The following SOX5 variants were observed in gnomAD, a reference collection of about 807,000 sequenced individuals.
SOX5 encodes SRY-box transcription factor 5, also known as transcription factor SOX-5.
SOX5 carries 9 observed loss-of-function variants against 92.0 expected under a neutral mutation model. The ratio of observed to expected loss-of-function variants is 0.10; its 90% CI spans 0.06 to 0.17. The LOEUF is 0.17. Among genes scored for constraint, SOX5 ranks in the 10% least tolerant of loss-of-function variants. The pLI, the probability that SOX5 is intolerant of heterozygous loss-of-function variation, is 1.00. For synonymous variants in SOX5, 344 were observed against 336.3 expected (o/e 1.02, Z -0.25); for missense variants, 642 against 944.5 (o/e 0.68, Z 4.20).
chr12:23,564,930 G>A (rs1014070411), intron 10 of SOX5, among the ~76,000 whole-genome samples: 1 of 152,206 alleles, frequency 6.6e-6, no homozygotes, highest in Non-Finnish European at 1.5e-5. Flanking sequence ...TAGTACTTCA[G>A]TGCTGGCAGG....
intron 4 of SOX5, among the ~76,000 whole-genome samples, chr12:24,203,106 C>A (rs921729011): frequency 6.6e-6 from 1 of 152,162 alleles, no homozygotes; most frequent in Non-Finnish European, 1.5e-5. Context: ...AAAGAGCTTT[C>A]TTTTCTCCCT....
chr12:24,046,253 G>T (rs971723439), intron 4 of SOX5, among the ~76,000 whole-genome samples: 1 of 139,226 alleles, frequency 7.2e-6, no homozygotes, highest in Non-Finnish European at 1.6e-5. Context: ...TTTCTAAAAG[G>T]TAGTGATGTA....
At chr12:24,230,753 G>A (rs1389201054) in intron 3 of SOX5, 1 of 152,178 alleles carries the variant, frequency 6.6e-6, no homozygotes, top group East Asian at 1.9e-4. Context: ...TTAGATCACT[G>A]TAAAATGCAA....
At chr12:24,419,529 A>G (rs1198661965) in intron 1 of SOX5, among the ~76,000 whole-genome samples, 1 of 152,116 alleles carries the variant, frequency 6.6e-6, no homozygotes. Context: ...TGAACAGCAA[A>G]TGTTACAGAC....
At chr12:23,945,449 A>G (rs984035967) in intron 1 of SOX5, among the ~76,000 whole-genome samples, 1 of 152,094 alleles carries the variant, frequency 6.6e-6, no homozygotes, top group African/African-American at 2.4e-5. Flanking sequence ...TTAACCCTTA[A>G]TTGTTCCTGG....
At position 23,768,903 on chromosome 12, in the gene SOX5, T is replaced by C. The variant is rs1002316880; in HGVS notation, c.482-13179A>G. 3.3e-5 allele frequency among the ~76,000 whole-genome samples: 5 copies of C among 152,188 alleles called. No individual in the cohort carries two copies. The South Asian group carries it at 8.3e-4, about 25-fold the overall frequency. On this transcript the variant is annotated intron_variant, in intron 3 of 14. Transcript: ENST00000451604. ...CTAAAGAAAGAAACAAAAACGCTATTGTTCCCTGGTAGCTACCAAAGAACA... is the reference window on the plus strand; with the variant it reads ...CTAAAGAAAGAAACAAAAACGCTATCGTTCCCTGGTAGCTACCAAAGAACA...
chr12:24,386,511 A>T (rs1266012850), intron 1 of SOX5, among the ~76,000 whole-genome samples: 1 of 152,192 alleles, frequency 6.6e-6, no homozygotes, highest in East Asian at 1.9e-4. Flanking sequence ...ATAAATAGAA[A>T]AACTGCTTTC....
At chr12:23,602,986 T>A (rs2074704425) in intron 9 of SOX5, among the ~76,000 whole-genome samples, 1 of 152,130 alleles carries the variant, frequency 6.6e-6, no homozygotes, top group Non-Finnish European at 1.5e-5. Context: ...GGCATATGTA[T>A]ACTCCTACTG....
intron 6 of SOX5, among the ~76,000 whole-genome samples, chr12:23,702,925 A>G (rs1028008958): frequency 7.9e-5 from 12 of 152,030 alleles, no homozygotes; most frequent in Non-Finnish European, 1.8e-4. Flanking sequence ...AGAAACCAAA[A>G]CCTTCTTATT....
At chr12:24,446,462 A>G (rs1482919300) in intron 1 of SOX5, among the ~76,000 whole-genome samples, 1 of 152,210 alleles carries the variant, frequency 6.6e-6, no homozygotes, top group African/African-American at 2.4e-5. Flanking sequence ...AGGAACAGAA[A>G]AAATCAGCAT....
intron 4 of SOX5, among the ~76,000 whole-genome samples, chr12:24,070,130 A>G (rs1382013559): frequency 6.6e-6 from 1 of 152,170 alleles, no homozygotes; most frequent in Non-Finnish European, 1.5e-5. Context: ...CAGCAGTGCA[A>G]GCAGAAACTT....
At chr12:24,130,279 C>T (rs768125208) in intron 4 of SOX5, among the ~76,000 whole-genome samples, 4 of 152,148 alleles carry the variant, frequency 2.6e-5, no homozygotes, top group Admixed American at 6.5e-5. Context: ...AAGAAAGCGA[C>T]GCATCTGGGG....
At chr12:23,681,396 A>G (rs956198186) in intron 6 of SOX5, among the ~76,000 whole-genome samples, 1 of 151,970 alleles carries the variant, frequency 6.6e-6, no homozygotes. Context: ...TAAATGACAG[A>G]CCTAAGTTTA....
intron 4 of SOX5, among the ~76,000 whole-genome samples, chr12:23,968,615 C>T (rs1248639319): frequency 2.6e-5 from 4 of 152,238 alleles, no homozygotes; most frequent in Non-Finnish European, 5.9e-5. Flanking sequence ...GCCCCTCAAT[C>T]TTGGCCTTCT....
chr12:23,727,257 C>G (rs1179545728), intron 6 of SOX5, among the ~76,000 whole-genome samples: 2 of 152,008 alleles, frequency 1.3e-5, no homozygotes, highest in African/African-American at 4.8e-5. Flanking sequence ...CAAATAGCGT[C>G]TCAATAAAAA....
chr12:23,907,372 C>A (rs1319059534), intron 1 of SOX5, among the ~76,000 whole-genome samples: 3 of 151,954 alleles, frequency 2.0e-5, no homozygotes, highest in Admixed American at 6.6e-5. Context: ...GACCACACCA[C>A]CTTAATTTAA....
chr12:23,873,412 G>T (rs1002183974), intron 2 of SOX5, among the ~76,000 whole-genome samples: 1 of 152,194 alleles, frequency 6.6e-6, no homozygotes, highest in African/African-American at 2.4e-5. Flanking sequence ...GGTCAAGGCT[G>T]CAGCGAGCCA....
At chr12:24,313,384 G>T (rs1251356751) in intron 2 of SOX5, among the ~76,000 whole-genome samples, 2 of 152,038 alleles carry the variant, frequency 1.3e-5, no homozygotes, top group Non-Finnish European at 2.9e-5. Context: ...AAAATTAAAA[G>T]CTGGGTATGA....
At chr12:23,654,284 C>CAAGA (rs1250454744) in intron 7 of SOX5, among the ~76,000 whole-genome samples, 1 of 151,854 alleles carries the variant, frequency 6.6e-6, no homozygotes, top group East Asian at 1.9e-4. Context: ...TTATAATATT[C>CAAGA]CATAATTTAT....
Sources: allele counts gnomAD v4.1 joint callset (sites outside exome capture counted in the v4.1 genomes callset), GRCh38; gene constraint gnomAD v4.1.1; transcripts MANE v1.5; gene names NCBI Gene and HGNC (gene_info 2026-07-23, HGNC 2026-07-21).